ICAM2: variants seen among roughly 807,000 people sequenced by gnomAD.
The protein encoded by ICAM2 is ICAM-2.
ICAM2 carries 14 observed loss-of-function variants against 19.1 expected under a neutral mutation model. That is an observed-to-expected ratio of 0.73 (90% CI 0.48 to 1.15). The LOEUF is 1.15. Ranked by LOEUF, ICAM2 falls within the 50% of genes most tolerant of loss-of-function variation. The pLI, the probability that ICAM2 is intolerant of heterozygous loss-of-function variation, is 0.00. For missense variants in ICAM2, 311 were observed against 355.4 expected (o/e 0.88, Z 1.00); for synonymous variants, 153 against 152.7 (o/e 1.00, Z -0.01).
chr17:64,018,622 T>C (rs548189420), intron 1 of ICAM2, among the ~76,000 whole-genome samples: 32 of 151,928 alleles, frequency 2.1e-4, no homozygotes, highest in African/African-American at 7.7e-4. Context: ...CGGAATATTC[T>C]TATACCCTGT....
chr17:64,005,700 C>T (rs1041320101), intron 2 of ICAM2, among the ~76,000 whole-genome samples: 3 of 152,140 alleles, frequency 2.0e-5, no homozygotes, highest in East Asian at 1.9e-4. Context: ...GAGTGGGATC[C>T]GACTCAGTCT....
At chr17:64,014,699 AAGGAAGGAAGG>A (rs1567849718) in intron 1 of ICAM2, among the ~76,000 whole-genome samples, 29 of 24,788 alleles carry the variant, frequency 1.2e-3, no homozygotes, top group African/African-American at 2.1e-3. Flanking sequence ...GGAAGGAAGG[AAGGAAGGAAGG>A]AAGGAAGGAA....
At chr17:64,016,961 C>CAAATTAGAAG (rs1241055195) in intron 1 of ICAM2, among the ~76,000 whole-genome samples, 4 of 152,176 alleles carry the variant, frequency 2.6e-5, no homozygotes, top group Non-Finnish European at 5.9e-5. Flanking sequence ...AAGCTCTTAG[C>CAAATTAGAAG]AAATTAGAAG....
intron 4 of ICAM2, chr17:64,003,162 G>C: frequency 1.9e-6 from 1 of 534,466 alleles, no homozygotes; most frequent in Non-Finnish European, 3.4e-6. Flanking sequence ...TGGCTGTGAG[G>C]GCAGATGTCC....
At position 64,006,729 on chromosome 17, in the gene ICAM2, G is replaced by A. The variant is rs774038787; in HGVS notation, c.-38C>T. 3 of 1,604,052 alleles carry A rather than the reference G, an allele frequency of 1.9e-6. No homozygotes were observed. The South Asian group carries it at 3.3e-5, about 18-fold the overall frequency. Reference sequence around the variant, plus strand: ...CCACGGGCTCGCAGGGACCAGCCAAGGGCTGCCTGGAGGGAGATGGTGGGC... The same window carrying A: ...CCACGGGCTCGCAGGGACCAGCCAAAGGCTGCCTGGAGGGAGATGGTGGGC... On this transcript the variant is annotated 5_prime_UTR_variant, in exon 2 of 5. Coordinates refer to ENST00000579788, the MANE Select transcript of ICAM2 (RefSeq NM_001099789.2).
intron 1 of ICAM2, among the ~76,000 whole-genome samples, chr17:64,014,339 G>GAAAGAAAGAAAA (rs1468659734): frequency 4.9e-5 from 2 of 41,020 alleles, no homozygotes. Flanking sequence ...AGGAAAGAAA[G>GAAAGAAAGAAAA]AAAGAAAGAA....
intron 2 of ICAM2, 78 bp from the exon 3 acceptor site, chr17:64,005,451 T>A (rs1911142902): frequency 1.3e-6 from 2 of 1,503,660 alleles, no homozygotes; most frequent in Non-Finnish European, 1.8e-6. Context: ...ATTGAGGCAG[T>A]CTGGCTCCTG....
chr17:64,017,003 C>A (rs1598027826), intron 1 of ICAM2, among the ~76,000 whole-genome samples: 1 of 152,358 alleles, frequency 6.6e-6, no homozygotes, highest in East Asian at 1.9e-4. Context: ...AGAAAACTTA[C>A]ATAAAACTTC....
intron 2 of ICAM2, 35 bp from the exon 3 acceptor site, chr17:64,005,408 C>G (rs750251854): frequency 1.9e-6 from 3 of 1,595,842 alleles, no homozygotes; most frequent in South Asian, 2.3e-5. Context: ...GTCGTGTCAT[C>G]CCCCCACCCC....
chr17:64,011,127 C>T (rs1289907040), intron 1 of ICAM2, among the ~76,000 whole-genome samples: 1 of 151,934 alleles, frequency 6.6e-6, no homozygotes, highest in East Asian at 1.9e-4. Context: ...AAAAAATAAA[C>T]AAAAATGGGC....
At chr17:64,006,831 T>A (rs1376608022) in intron 1 of ICAM2, 96 bp from the exon 2 acceptor site, 1 of 743,858 alleles carries the variant, frequency 1.3e-6, no homozygotes, top group East Asian at 2.7e-5. Context: ...ATCTGAGAGA[T>A]CTTTGGGAAG....
intron 1 of ICAM2, among the ~76,000 whole-genome samples, chr17:64,009,286 G>A (rs1911346696): frequency 6.6e-6 from 1 of 151,944 alleles, no homozygotes; most frequent in South Asian, 2.1e-4. Context: ...TTTAGTTTTA[G>A]GTCCTAAGCA....
chr17:64,011,313 G>C (rs1400519602), intron 1 of ICAM2, among the ~76,000 whole-genome samples: 3 of 152,082 alleles, frequency 2.0e-5, no homozygotes, highest in Non-Finnish European at 4.4e-5. Context: ...ACACAAAAAA[G>C]TAGCTGGGCG....
At chr17:64,004,608 C>G (rs971182374) in intron 3 of ICAM2, 1 of 205,036 alleles carries the variant, frequency 4.9e-6, no homozygotes, top group African/African-American at 2.3e-5. Flanking sequence ...CAGGTGATAC[C>G]CTTAGCGCCA....
chr17:64,014,348 A>C (rs1911575505), intron 1 of ICAM2, among the ~76,000 whole-genome samples: 2 of 51,292 alleles, frequency 3.9e-5, no homozygotes, highest in African/African-American at 1.3e-4. Flanking sequence ...AGAAAGAAAG[A>C]AAGAAAGAAA....
intron 2 of ICAM2, 175 bp downstream of exon 2, chr17:64,006,456 C>T (rs1335808380): frequency 8.1e-6 from 5 of 613,718 alleles, no homozygotes; most frequent in African/African-American, 3.7e-5. Context: ...ATGATCATGC[C>T]ACTGTACTCC....
chr17:64,013,519 A>G (rs1911536350), intron 1 of ICAM2, among the ~76,000 whole-genome samples: 1 of 151,864 alleles, frequency 6.6e-6, no homozygotes, highest in South Asian at 2.1e-4. Flanking sequence ...AAAAAAAAAT[A>G]CTAAAACACA....
chr17:64,003,952 T>G lies in ICAM2; in HGVS notation c.341A>C (p.Gln114Pro). ...SNVSVYQPPRQVILTLQPTLV... is the reference protein window; with the variant it reads ...SNVSVYQPPRPVILTLQPTLV... ...AGTGGGTTGCAGTGTCAGGATGACCTGCCTTGGAGGCTCTGCAGGGGACAA... is the reference window on the plus strand; with the variant it reads ...AGTGGGTTGCAGTGTCAGGATGACCGGCCTTGGAGGCTCTGCAGGGGACAA... The change falls in exon 4 of 5, where the codon CAG (glutamine) becomes CCG (proline). Residue 114 changes from glutamine to proline, a missense_variant. By Grantham distance (76) the Gln-to-Pro change is moderately conservative. Coordinates refer to ENST00000579788, the MANE Select transcript of ICAM2 (RefSeq NM_001099789.2). 6.2e-7 allele frequency: 1 copy of G among 1,611,980 alleles called. No individual in the cohort carries two copies. Among genetic ancestry groups the G allele is most frequent in the African/African-American group, 1.3e-5 (1 of 75,014 alleles).
In ICAM2 at chr17:64,005,351, C is replaced by T. The variant is rs1288682436; in HGVS notation, c.84G>A (p.Glu28=). 6 of 1,613,764 alleles carry T rather than the reference C, an allele frequency of 3.7e-6. No homozygotes were observed. Among genetic ancestry groups the T allele is most frequent in the African/African-American group, 1.3e-5 (1 of 74,912 alleles). The change falls in exon 3 of 5, where the codon GAG becomes GAA. Residue 28 remains glutamate (E), a synonymous_variant. Transcript: ENST00000579788. The part of the protein sequence containing the change: ...CCPGSDEKVF[E]VHVRPKKLAV... ...CCAGCTTCTTTGGCCTCACGTGTAC[C>T]TCGAATACCTTCTCATCCGATCCTG...
Sources: allele counts gnomAD v4.1 joint callset (sites outside exome capture counted in the v4.1 genomes callset), GRCh38; gene constraint gnomAD v4.1.1; transcripts MANE v1.5; gene names NCBI Gene and HGNC (gene_info 2026-07-23, HGNC 2026-07-21).